Variants in PAN3 observed in about 807,000 individuals in gnomAD.
PAN3 encodes PAN2-PAN3 deadenylation complex subunit PAN3.
A neutral mutation model predicts 96.2 loss-of-function variants in PAN3; 19 were observed. The ratio of observed to expected loss-of-function variants is 0.20; its 90% confidence interval spans 0.14 to 0.29. PAN3 has a LOEUF of 0.29. Among genes scored for constraint, PAN3 ranks in the 10% least tolerant of loss-of-function variants. The pLI is 1.00. For synonymous variants in PAN3, 433 were observed against 406.6 expected (o/e 1.06, Z -0.78); for missense variants, 882 against 1,108.1 (o/e 0.80, Z 2.90).
intron 18 of PAN3, among the ~76,000 whole-genome samples, chr13:28,290,943 A>C (rs1458245832): frequency 3.5e-5 from 2 of 57,612 alleles, no homozygotes; most frequent in African/African-American, 1.4e-4. Context: ...CATTTAATGA[A>C]TATTAGGATA....
At chr13:28,161,793 G>T (rs1333951462) in intron 1 of PAN3, among the ~76,000 whole-genome samples, 4 of 152,188 alleles carry the variant, frequency 2.6e-5, no homozygotes, top group African/African-American at 9.7e-5. Context: ...CTGACAGTTT[G>T]ACTTTTTCCT....
intron 6 of PAN3, chr13:28,239,684 A>G: frequency 3.9e-6 from 5 of 1,285,468 alleles, no homozygotes; most frequent in Non-Finnish European, 4.1e-6. Context: ...AGCGTTGGAC[A>G]GCTCTATGAG....
intron 6 of PAN3, among the ~76,000 whole-genome samples, chr13:28,224,035 ATTT>A (rs906433610): frequency 6.7e-6 from 1 of 150,124 alleles, no homozygotes; most frequent in Non-Finnish European, 1.5e-5. Flanking sequence ...CGCCCGGCTA[ATTT>A]TTTTTTGTAT....
chr13:28,173,997 G>T (rs190288311), intron 1 of PAN3, among the ~76,000 whole-genome samples: 84 of 152,334 alleles, frequency 5.5e-4, no homozygotes, highest in African/African-American at 1.8e-3. Flanking sequence ...AACTGGAAAT[G>T]CAAGTGGTAG....
At chr13:28,153,461 T>C (rs1475369037) in intron 1 of PAN3, among the ~76,000 whole-genome samples, 1 of 151,870 alleles carries the variant, frequency 6.6e-6, no homozygotes, top group Non-Finnish European at 1.5e-5. Flanking sequence ...ATGGTCTCAA[T>C]CTCTTGACCT....
chr13:28,282,105 AG>A (rs1445031494), intron 17 of PAN3, among the ~76,000 whole-genome samples: 2 of 152,176 alleles, frequency 1.3e-5, no homozygotes, highest in African/African-American at 4.8e-5. Context: ...CCATCATATA[AG>A]TGACATTGGA....
rs45618537 is a variant in PAN3, at chr13:28,242,913, C to T, written c.1001-13379C>T. Among the ~76,000 whole-genome samples, 1,044 of 152,212 alleles carry T rather than the reference C, an allele frequency of 6.9e-3. 10 individuals carry two copies. Among genetic ancestry groups the T allele is most frequent in the African/African-American group, 0.024 (1,008 of 41,524 alleles). On this transcript the variant is annotated intron_variant, in intron 6 of 18. Transcript: ENST00000380958. The stretch of plus-strand genomic sequence containing the variant: ...GTTAGGTTTATTTTGTATCTTTATA[C>T]AGGATGCTTTGTAGTACTCACTGGT...
intron 6 of PAN3, among the ~76,000 whole-genome samples, chr13:28,223,500 TTTA>T (rs1370633162): frequency 6.6e-6 from 1 of 152,118 alleles, no homozygotes; most frequent in African/African-American, 2.4e-5. Context: ...GGCAACAGCT[TTTA>T]TTATTCTCTC....
At chr13:28,223,493 A>G (rs1006039963) in intron 6 of PAN3, among the ~76,000 whole-genome samples, 9 of 152,050 alleles carry the variant, frequency 5.9e-5, no homozygotes, top group Non-Finnish European at 1.3e-4. Flanking sequence ...TTTCTCTGGC[A>G]ACAGCTTTTA....
chr13:28,250,475 T>C (rs1345250780), intron 6 of PAN3, among the ~76,000 whole-genome samples: 7 of 152,092 alleles, frequency 4.6e-5, no homozygotes. Context: ...AAGTGATTCT[T>C]CTGCCTCAGC....
At chr13:28,156,226 A>T (rs1340506903) in intron 1 of PAN3, among the ~76,000 whole-genome samples, 1 of 152,172 alleles carries the variant, frequency 6.6e-6, no homozygotes, top group Non-Finnish European at 1.5e-5. Context: ...GACAAAGGGG[A>T]CATTACCACC....
chr13:28,262,414 T>A (rs1047064082), intron 9 of PAN3, among the ~76,000 whole-genome samples: 1 of 152,210 alleles, frequency 6.6e-6, no homozygotes, highest in Non-Finnish European at 1.5e-5. Flanking sequence ...AATCAGAAAT[T>A]CAGCATCGTC....
rs1870166731 is a variant in PAN3, at chr13:28,295,110, G to A, written c.*2588G>A. On this transcript the variant is annotated 3_prime_UTR_variant, in exon 19 of 19. Coordinates refer to ENST00000380958, the MANE Select transcript of PAN3 (RefSeq NM_175854.8). ...TTGGTCATTTCAATATTTTGTACCT[G>A]TTTTAAATTCTGTTAGTGTATTTAC... 6.6e-6 allele frequency: 1 copy of A among 152,104 alleles called. No homozygotes were observed. Among genetic ancestry groups the A allele is most frequent in the Non-Finnish European group, 1.5e-5 (1 of 68,004 alleles). The allele number at this position is 152,104 out of a possible 1,614,324, so 9.4% of individuals were successfully genotyped here. A position where few individuals can be genotyped will look rare whatever the true frequency, so the allele number is the denominator to read the frequency against.
At chr13:28,187,161 T>C (rs981962229) in intron 4 of PAN3, among the ~76,000 whole-genome samples, 6 of 151,634 alleles carry the variant, frequency 4.0e-5, no homozygotes, top group African/African-American at 1.5e-4. Flanking sequence ...ACACTGTCTC[T>C]ACAAAAAATA....
In PAN3 at chr13:28,139,514, TTGTGTG is replaced by T. The variant is rs10577740; in HGVS notation, c.430+459_430+464del. ...GGTTCCCTAGTGGGGAGGGGTGTGT[TTGTGTG>T]TGTGTGTGTGTGTGTGTGTGTGTGT... is the stretch of plus-strand genomic sequence containing the variant. On this transcript the variant is annotated intron_variant, in intron 1 of 18. Transcript: ENST00000380958. 4.3e-3 allele frequency among the ~76,000 whole-genome samples: 404 copies of T among 93,126 alleles called. 2 individuals carry two copies. The highest frequency in any genetic ancestry group is 0.04 in the East Asian group (123 of 3,050). 61.1% of individuals were successfully genotyped at this position (93,126 alleles called of 152,430 possible). A position where few individuals can be genotyped will look rare whatever the true frequency, so the allele number is the denominator to read the frequency against.
intron 4 of PAN3, among the ~76,000 whole-genome samples, chr13:28,184,763 C>A (rs778905747): frequency 6.6e-6 from 1 of 152,006 alleles, no homozygotes; most frequent in Non-Finnish European, 1.5e-5. Context: ...GTGTTGTAGA[C>A]TTCTCTTTTA....
rs1341812695 is a variant in PAN3 at position 28,173,324 on chromosome 13, A to G, written c.431-948A>G. 4.6e-5 allele frequency among the ~76,000 whole-genome samples: 7 copies of G among 152,214 alleles called. No homozygotes were observed. In the South Asian group the frequency reaches 8.3e-4, roughly 18 times the overall value. On this transcript the variant is annotated intron_variant, in intron 1 of 18. Coordinates refer to ENST00000380958, the MANE Select transcript of PAN3 (RefSeq NM_175854.8). ...TCACATTGTTTCAAATTTCTTGTTA[A>G]AGATGAACTTTTTATATGTAAATAT...
intron 5 of PAN3, among the ~76,000 whole-genome samples, chr13:28,211,947 A>T (rs922583830): frequency 1.2e-4 from 18 of 152,354 alleles, no homozygotes; most frequent in African/African-American, 4.3e-4. Flanking sequence ...TGAATTGAGG[A>T]GACCAAACTG....
Position 28,294,701 on chromosome 13 carries a change from G to A in PAN3, c.*2179G>A, listed in dbSNP as rs1174048050. The A allele has an allele frequency of 2.0e-5, 3 of 152,656 alleles. No individual in the cohort carries two copies. The highest frequency in any genetic ancestry group is 4.4e-5 in the Non-Finnish European group (3 of 68,048). 9.5% of individuals were successfully genotyped at this position (152,656 alleles called of 1,614,324 possible). A position where few individuals can be genotyped will look rare whatever the true frequency, so the allele number is the denominator to read the frequency against. On this transcript the variant is annotated 3_prime_UTR_variant, in exon 19 of 19. Coordinates refer to ENST00000380958, the MANE Select transcript of PAN3 (RefSeq NM_175854.8). ...AAGAATGTTTGCATCCTAAATGCTA[G>A]TTTGCTTCAGCCCCTAGTTAACCTC... is the stretch of plus-strand genomic sequence containing the variant.
Sources: gnomAD v4.1 joint callset for allele counts (sites outside exome capture counted in the v4.1 genomes callset) on GRCh38, gnomAD v4.1.1 for gene constraint, MANE v1.5 for transcripts, NCBI Gene and HGNC (gene_info 2026-07-23, HGNC 2026-07-21) for gene names.